SLC8A2: variants seen among roughly 807,000 people sequenced by gnomAD.
SLC8A2 encodes the protein solute carrier family 8 member A2.
A neutral mutation model predicts 70.2 loss-of-function variants in SLC8A2; 14 were observed. That is an observed-to-expected ratio of 0.20 (90% CI 0.13 to 0.31). SLC8A2 has a LOEUF of 0.31. SLC8A2 is among the 10% of genes least tolerant of loss of function. SLC8A2 has a pLI of 1.00. For missense variants in SLC8A2, 779 were observed against 1,320.1 expected (o/e 0.59, Z 6.35); for synonymous variants, 575 against 594.3 (o/e 0.97, Z 0.47).
chr19:47,450,392 G>A (rs567313895), intron 3 of SLC8A2, among the ~76,000 whole-genome samples: 6 of 152,242 alleles, frequency 3.9e-5, no homozygotes, highest in East Asian at 1.9e-4. Flanking sequence ...GTGTAGCAGC[G>A]CATGCCTGTA....
At chr19:47,456,776 GC>G (rs1967308177) in intron 3 of SLC8A2, among the ~76,000 whole-genome samples, 153 bp downstream of exon 3, 1 of 152,212 alleles carries the variant, frequency 6.6e-6, no homozygotes, top group African/African-American at 2.4e-5. Flanking sequence ...GCAGCGCCTG[GC>G]ACAAAGCAGG....
intron 3 of SLC8A2, among the ~76,000 whole-genome samples, chr19:47,455,553 G>C (rs1454102858): frequency 1.3e-5 from 2 of 152,160 alleles, no homozygotes; most frequent in Non-Finnish European, 2.9e-5. Context: ...GTAGACACAT[G>C]ATAAATGTCA....
Position 47,447,618 on chromosome 19 carries a change from ACG to A in SLC8A2, c.1763+189_1763+190del. On this transcript the variant is annotated intron_variant, in intron 4 of 9. Transcript: ENST00000236877. This position sits in a 1 kb window ranked among gnomAD's most constrained non-coding sequence, Gnocchi z 5.1. ...CCAGCTGTTCAGTGAAGCCCCGCCCACGTCGTGGGCATGGGTCACAGGCCCCG... is the reference window on the plus strand; with the variant it reads ...CCAGCTGTTCAGTGAAGCCCCGCCCATCGTGGGCATGGGTCACAGGCCCCG... 1 of 391,428 alleles carries A rather than the reference ACG, an allele frequency of 2.6e-6. No individual in the cohort carries two copies. 24.2% of individuals were successfully genotyped at this position (391,428 alleles called of 1,614,324 possible).
Position 47,466,397 on chromosome 19 carries a change from G to C in SLC8A2, c.7C>G (p.Pro3Ala), listed in dbSNP as rs1176175399. Reference protein sequence around the residue: MAPLALVGVTLLL... With the variant: MAALALVGVTLLL... ...AGTGTGACCCCCACCAAGGCCAGGG[G>C]AGCCATGGGGGGTGGTGGGGTCCTA... Residue 3 changes from proline to alanine, a missense_variant, in exon 2 of 10, where the codon CCC becomes GCC. Around this residue, in one of 6 missense-constraint regions of SLC8A2, gnomAD observed 65 missense variants for 61.3 expected, o/e 1.06. Coordinates refer to ENST00000236877, the MANE Select transcript of SLC8A2 (RefSeq NM_015063.3). The surrounding 1 kb of genome is among the most constrained non-coding windows in gnomAD (Gnocchi z 6.9). 7.1e-7 allele frequency: 1 copy of C among 1,404,776 alleles called. No individual in the cohort carries two copies. The highest frequency in any genetic ancestry group is 2.5e-5 in the East Asian group (1 of 39,892). The allele number at this position is 1,404,776 out of a possible 1,614,324, so 87.0% of individuals were successfully genotyped here.
intron 1 of SLC8A2, among the ~76,000 whole-genome samples, chr19:47,469,479 A>G (rs1452726083): frequency 6.6e-6 from 1 of 152,102 alleles, no homozygotes; most frequent in Admixed American, 6.5e-5. Flanking sequence ...GCAGTCCTCA[A>G]GAGAGACCAC....
At position 47,460,035 on chromosome 19, in the gene SLC8A2, C is replaced by T. The variant is rs534623253; in HGVS notation, c.676-2441G>A. Among the ~76,000 whole-genome samples the T allele has an allele frequency of 2.6e-5, 4 of 152,242 alleles. No homozygotes were observed. The East Asian group carries it at 7.7e-4, about 29-fold the overall frequency. Reference sequence around the variant, plus strand: ...TCTTTTTTCTGCCTGCTCCATTTCTCCCCCATCACCTGGGGGTGCCTCCAC... The same window carrying T: ...TCTTTTTTCTGCCTGCTCCATTTCTTCCCCATCACCTGGGGGTGCCTCCAC... On this transcript the variant is annotated intron_variant, in intron 2 of 9. Transcript: ENST00000236877.
Position 47,466,423 on chromosome 19 carries a change from TGGGGGA to T in SLC8A2, c.-16-10_-16-5del. On this transcript the variant is annotated splice_polypyrimidine_tract_variant and splice_region_variant and intron_variant, in intron 1 of 9. Coordinates refer to ENST00000236877, the MANE Select transcript of SLC8A2 (RefSeq NM_015063.3). The surrounding 1 kb of genome is among the most constrained non-coding windows in gnomAD (Gnocchi z 6.9). ...AGCCATGGGGGGTGGTGGGGTCCTA[TGGGGGA>T]GGAGGAGGAGGTCTGGGTGAGGGAA... The T allele has an allele frequency of 4.5e-6, 5 of 1,121,320 alleles. No homozygotes were observed. The highest frequency in any genetic ancestry group is 4.9e-6 in the Non-Finnish European group (4 of 814,156). 69.5% of individuals were successfully genotyped at this position (1,121,320 alleles called of 1,614,324 possible).
intron 3 of SLC8A2, among the ~76,000 whole-genome samples, chr19:47,452,396 T>TGG (rs1967246195): frequency 1.3e-5 from 1 of 76,122 alleles, no homozygotes; most frequent in African/African-American, 5.4e-5. Flanking sequence ...TATATATATA[T>TGG]GGAGAGAGAG....
chr19:47,439,077 C>T (rs1450526992), intron 6 of SLC8A2, among the ~76,000 whole-genome samples: 3 of 152,136 alleles, frequency 2.0e-5, no homozygotes, highest in African/African-American at 7.2e-5. Context: ...GCTTAGCCCC[C>T]GAAAACCTCC....
chr19:47,447,796 C>G lies in SLC8A2; in HGVS notation c.1763+13G>C, dbSNP rs147929252. On this transcript the variant is annotated intron_variant, in intron 4 of 9. Transcript: ENST00000236877. This position sits in a 1 kb window ranked among gnomAD's most constrained non-coding sequence, Gnocchi z 5.1. The stretch of plus-strand genomic sequence containing the variant: ...AGCCCCGCCCCTCTCCGGGCCGCCT[C>G]GGGCGTGCTCACATGGTCTCGTCGT... The G allele has an allele frequency of 2.5e-6, 4 of 1,575,498 alleles. No homozygotes were observed. In the Admixed American group the frequency reaches 5.3e-5, roughly 21 times the overall value.
chr19:47,449,516 G>T (rs1967210032), intron 3 of SLC8A2, among the ~76,000 whole-genome samples: 1 of 152,066 alleles, frequency 6.6e-6, no homozygotes, highest in African/African-American at 2.4e-5. Context: ...TAGAGACAGG[G>T]TTTCATCATG....
rs925858002 is a variant in SLC8A2, at chr19:47,448,889, A to T, written c.1341-658T>A. On this transcript the variant is annotated intron_variant, in intron 3 of 9. Transcript: ENST00000236877. This position sits in a 1 kb window ranked among gnomAD's most constrained non-coding sequence, Gnocchi z 4.8. ...CTCATTCATTCAACAAACACTCCTA[A>T]GGGCACCCGTTGTGTGCCTTGTGCC... Among the ~76,000 whole-genome samples the T allele has an allele frequency of 1.3e-5, 2 of 152,100 alleles. No homozygotes were observed. Among genetic ancestry groups the T allele is most frequent in the Non-Finnish European group, 2.9e-5 (2 of 68,010 alleles).
chr19:47,470,175 G>T (rs953900743), intron 1 of SLC8A2, among the ~76,000 whole-genome samples: 4 of 152,162 alleles, frequency 2.6e-5, no homozygotes, highest in African/African-American at 9.7e-5. Flanking sequence ...CCAGTGTGGG[G>T]ATCACACCAC....
Position 47,449,701 on chromosome 19 carries a change from G to A in SLC8A2, c.1341-1470C>T, listed in dbSNP as rs1441647302. Among the ~76,000 whole-genome samples, 5 of 152,174 alleles carry A rather than the reference G, an allele frequency of 3.3e-5. No homozygotes were observed. In the East Asian group the frequency reaches 9.6e-4, roughly 29 times the overall value. On this transcript the variant is annotated intron_variant, in intron 3 of 9. Transcript: ENST00000236877. ...GACTGGACAGCCGGACAGGGGACAG[G>A]ATCTGACTTAGGGACGGGTCACCTC...
chr19:47,439,603 C>CTCCTTTCTTCCTTCCT (rs1967073857), intron 6 of SLC8A2, among the ~76,000 whole-genome samples: 2 of 68,546 alleles, frequency 2.9e-5, no homozygotes, highest in African/African-American at 1.7e-4. Context: ...TCTCTTCTCC[C>CTCCTTTCTTCCTTCCT]TCCTTCCTTC....
chr19:47,447,451 T>C lies in SLC8A2; in HGVS notation c.1763+358A>G. The C allele has an allele frequency of 3.1e-6, 1 of 326,334 alleles. No individual in the cohort carries two copies. The highest frequency in any genetic ancestry group is 5.7e-6 in the Non-Finnish European group (1 of 175,762). The allele number at this position is 326,334 out of a possible 1,614,324, so 20.2% of individuals were successfully genotyped here. A position where few individuals can be genotyped will look rare whatever the true frequency, so the allele number is the denominator to read the frequency against. On this transcript the variant is annotated intron_variant, in intron 4 of 9. Transcript: ENST00000236877. This position sits in a 1 kb window ranked among gnomAD's most constrained non-coding sequence, Gnocchi z 5.1. ...CTTCTCACCTGTCCGGCCACCCTTC[T>C]AGGCCTCGCCTCTTCATTTCACAGT...
At chr19:47,453,305 C>T (rs945567534) in intron 3 of SLC8A2, among the ~76,000 whole-genome samples, 4 of 152,218 alleles carry the variant, frequency 2.6e-5, no homozygotes, top group African/African-American at 4.8e-5. Context: ...ACAATGTCCA[C>T]TATGAAGAGA....
chr19:47,466,503 G>T lies in SLC8A2; in HGVS notation c.-16-84C>A. ...AGGTCAAAGCTCACTGGGGAAGGAGGGTTGGGGGAGAAGCTGAGGACCAAT... is the reference window on the plus strand; with the variant it reads ...AGGTCAAAGCTCACTGGGGAAGGAGTGTTGGGGGAGAAGCTGAGGACCAAT... On this transcript the variant is annotated intron_variant, in intron 1 of 9. Transcript: ENST00000236877. The surrounding 1 kb of genome is among the most constrained non-coding windows in gnomAD (Gnocchi z 6.9). 1 of 590,448 alleles carries T rather than the reference G, an allele frequency of 1.7e-6. No homozygotes were observed. Among genetic ancestry groups the T allele is most frequent in the South Asian group, 2.2e-5 (1 of 46,352 alleles). The allele number at this position is 590,448 out of a possible 1,614,324, so 36.6% of individuals were successfully genotyped here.
In SLC8A2 at chr19:47,468,495, C is replaced by T. The variant is rs1967491672; in HGVS notation, c.-16-2076G>A. Among the ~76,000 whole-genome samples, 1 of 152,168 alleles carries T rather than the reference C, an allele frequency of 6.6e-6. No homozygotes were observed. ...GTAGAGCCGGGAGTCTCTATGTTGCCCAGGCTGTTTTTGAACTCCTGGGTT... is the reference window on the plus strand; with the variant it reads ...GTAGAGCCGGGAGTCTCTATGTTGCTCAGGCTGTTTTTGAACTCCTGGGTT... On this transcript the variant is annotated intron_variant, in intron 1 of 9. Coordinates refer to ENST00000236877, the MANE Select transcript of SLC8A2 (RefSeq NM_015063.3). The surrounding 1 kb of genome is among the most constrained non-coding windows in gnomAD (Gnocchi z 5.1).
Sources: allele counts gnomAD v4.1 joint callset (sites outside exome capture counted in the v4.1 genomes callset), GRCh38; gene constraint gnomAD v4.1.1; regional missense constraint gnomAD v4.1.1; non-coding constraint Gnocchi (gnomAD v3.1); transcripts MANE v1.5; gene names NCBI Gene and HGNC (gene_info 2026-07-23, HGNC 2026-07-21).